RAB38: variants seen among roughly 807,000 people sequenced by gnomAD.
RAB38 encodes the protein ras-related protein Rab-38.
Under a neutral mutation model 18.4 loss-of-function variants are expected in RAB38, and 15 were observed. The ratio of observed to expected loss-of-function variants is 0.82; its 90% CI spans 0.55 to 1.26. The LOEUF (loss-of-function observed/expected upper bound fraction) is 1.26. Ranked by LOEUF, RAB38 falls within the 50% of genes most tolerant of loss-of-function variation. RAB38 has a pLI of 0.00. For synonymous variants in RAB38, 101 were observed against 104.4 expected (o/e 0.97, Z 0.20); for missense variants, 294 against 267.4 (o/e 1.10, Z -0.69).
chr11:88,010,333 A>G, the RAB38 span, among the ~76,000 whole-genome samples: 33 of 152,198 alleles, frequency 2.2e-4, no homozygotes, highest in Admixed American at 5.9e-4. Flanking sequence ...CTCAAGTTCT[A>G]TAAGAGAGGA....
chr11:88,042,235 A>G, the RAB38 span, among the ~76,000 whole-genome samples: 1 of 152,166 alleles, frequency 6.6e-6, no homozygotes, highest in Non-Finnish European at 1.5e-5. Context: ...TCTCCCAAAT[A>G]CGGCTATCTC....
the RAB38 span, among the ~76,000 whole-genome samples, chr11:87,897,463 A>G: frequency 6.6e-6 from 1 of 151,596 alleles, no homozygotes; most frequent in Non-Finnish European, 1.5e-5. Flanking sequence ...TTAAAAACCT[A>G]AAGGTCTTGA....
At chr11:88,110,573 C>T (rs945670305), downstream of RAB38, among the ~76,000 whole-genome samples, 7 of 152,096 alleles carry the variant, frequency 4.6e-5, no homozygotes, top group African/African-American at 1.4e-4. Flanking sequence ...AATCCCAGCA[C>T]GTTGGGAGGC....
chr11:87,873,920 G>GTA, the RAB38 span, among the ~76,000 whole-genome samples: 8 of 33,834 alleles, frequency 2.4e-4, no homozygotes, highest in East Asian at 2.2e-3. Context: ...GTGTGTGTGT[G>GTA]TGTATATATA....
chr11:87,916,902 A>G, the RAB38 span, among the ~76,000 whole-genome samples: 4 of 152,274 alleles, frequency 2.6e-5, no homozygotes, highest in African/African-American at 9.6e-5. Flanking sequence ...AAATGAAGCT[A>G]TTTAACATAT....
chr11:87,861,930 C>G, the RAB38 span, among the ~76,000 whole-genome samples: 1 of 151,928 alleles, frequency 6.6e-6, no homozygotes, highest in Non-Finnish European at 1.5e-5. Context: ...CATCACTAAT[C>G]ATTAGAGAAA....
chr11:87,939,064 G>A, the RAB38 span, among the ~76,000 whole-genome samples: 1 of 151,912 alleles, frequency 6.6e-6, no homozygotes, highest in Non-Finnish European at 1.5e-5. Flanking sequence ...ATTTGGCATT[G>A]CTTTTTGTGA....
the RAB38 span, among the ~76,000 whole-genome samples, chr11:87,813,931 A>G: frequency 1.3e-5 from 2 of 152,136 alleles, no homozygotes; most frequent in Non-Finnish European, 1.5e-5. Flanking sequence ...TTTGAGCTGC[A>G]TTTGTGCATG....
the RAB38 span, among the ~76,000 whole-genome samples, chr11:87,939,923 T>TC: frequency 6.6e-6 from 1 of 151,106 alleles, no homozygotes; most frequent in Non-Finnish European, 1.5e-5. Flanking sequence ...AGTTGTCAAA[T>TC]CAATAATCTA....
chr11:87,976,177 T>C, the RAB38 span, among the ~76,000 whole-genome samples: 2 of 147,778 alleles, frequency 1.4e-5, no homozygotes, highest in Admixed American at 6.9e-5. Context: ...TATATAGGTA[T>C]ATATAGGTAT....
At chr11:87,913,418 A>T in the RAB38 span, among the ~76,000 whole-genome samples, 1 of 152,204 alleles carries the variant, frequency 6.6e-6, no homozygotes, top group African/African-American at 2.4e-5. Flanking sequence ...GAATTTTGTA[A>T]TGCCATTTGA....
the RAB38 span, among the ~76,000 whole-genome samples, chr11:87,906,841 T>A: frequency 1.3e-5 from 2 of 151,922 alleles, no homozygotes; most frequent in Non-Finnish European, 2.9e-5. Flanking sequence ...CCCATTGATA[T>A]ATCTTCAGTT....
At chr11:88,045,923 C>T in the RAB38 span, among the ~76,000 whole-genome samples, 2 of 152,266 alleles carry the variant, frequency 1.3e-5, no homozygotes, top group Middle Eastern at 3.4e-3. Context: ...TAGTTATCTC[C>T]ACCTGCCCAG....
At chr11:87,875,019 C>T in the RAB38 span, among the ~76,000 whole-genome samples, 1 of 151,518 alleles carries the variant, frequency 6.6e-6, no homozygotes, top group Admixed American at 6.6e-5. Context: ...CAGCATTATT[C>T]ACAATAACCA....
the RAB38 span, among the ~76,000 whole-genome samples, chr11:87,856,705 C>CT: frequency 3.3e-5 from 5 of 152,176 alleles, no homozygotes; most frequent in Admixed American, 2.0e-4. Flanking sequence ...TCTTCTCCTC[C>CT]TCCTTCTTCT....
At chr11:88,124,892 C>A (rs1019539549) in intron 2 of RAB38, among the ~76,000 whole-genome samples, 2 of 152,164 alleles carry the variant, frequency 1.3e-5, no homozygotes, top group Non-Finnish European at 2.9e-5. Flanking sequence ...ATGGACCAGG[C>A]ACTATTCATC....
chr11:87,975,578 T>G, the RAB38 span, among the ~76,000 whole-genome samples: 2 of 151,866 alleles, frequency 1.3e-5, no homozygotes, highest in Non-Finnish European at 1.5e-5. Flanking sequence ...CAATCTTTAA[T>G]AGACAACTGA....
the RAB38 span, among the ~76,000 whole-genome samples, chr11:88,018,080 A>G: frequency 2.0e-4 from 31 of 152,138 alleles, no homozygotes; most frequent in Non-Finnish European, 3.2e-4. Flanking sequence ...CTGTGAGTCC[A>G]TTACACCTCT....
the RAB38 span, among the ~76,000 whole-genome samples, chr11:87,969,710 T>C: frequency 3.3e-5 from 5 of 152,154 alleles, no homozygotes; most frequent in Admixed American, 6.6e-5. Context: ...AACAGATGCA[T>C]TTCTAACACA....
Sources: gnomAD v4.1 joint callset for allele counts (sites outside exome capture counted in the v4.1 genomes callset) on GRCh38, gnomAD v4.1.1 for gene constraint, MANE v1.5 for transcripts, NCBI Gene and HGNC (gene_info 2026-07-23, HGNC 2026-07-21) for gene names.